Variants in PANK3 observed in about 807,000 individuals in gnomAD.
The protein encoded by PANK3 is hPanK3.
In PANK3, 20 loss-of-function variants were observed where a neutral mutation model predicts 39.4. That is an observed-to-expected ratio of 0.51 (90% CI 0.36 to 0.74). The LOEUF (loss-of-function observed/expected upper bound fraction) is 0.74, where lower values mean the gene tolerates loss of function less well. Ranked by LOEUF, PANK3 falls within the 30% of genes least tolerant of loss-of-function variation. PANK3 has a pLI of 0.00. For synonymous variants in PANK3, 140 were observed against 157.3 expected, an observed-to-expected ratio of 0.89 and a Z score of 0.82; for missense variants, 265 against 437.0, an observed-to-expected ratio of 0.61 and a Z score of 3.51.
chr5:168,557,683 C>T, intron 6 of PANK3, 62 bp from the exon 7 acceptor site: 1 of 1,249,542 alleles, frequency 8.0e-7, no homozygotes, highest in Non-Finnish European at 1.2e-6. Context: ...TAATATTAAC[C>T]ACTTGAGAAC....
chr5:168,563,414 C>A (rs1446447864), intron 4 of PANK3, among the ~76,000 whole-genome samples: 1 of 152,170 alleles, frequency 6.6e-6, no homozygotes, highest in Non-Finnish European at 1.5e-5. Flanking sequence ...GAAACAGGCA[C>A]TTTCATTTAC....
At chr5:168,576,758 C>T (rs998171074) in intron 1 of PANK3, among the ~76,000 whole-genome samples, 4 of 149,742 alleles carry the variant, frequency 2.7e-5, no homozygotes, top group Admixed American at 2.7e-4. Context: ...GCCATACACA[C>T]ACTATGTGAT....
In PANK3 at chr5:168,548,608, G is replaced by A. The variant is rs1026137157; in HGVS notation, c.*8963C>T. The A allele has an allele frequency of 2.0e-5, 3 of 152,154 alleles. No homozygotes were observed. The highest frequency in any genetic ancestry group is 1.3e-4 in the Admixed American group (2 of 15,270). The allele number at this position is 152,154 out of a possible 1,614,324, so 9.4% of individuals were successfully genotyped here. A position where few individuals can be genotyped will look rare whatever the true frequency, so the allele number is the denominator to read the frequency against. On this transcript the variant is annotated 3_prime_UTR_variant, in exon 7 of 7. Transcript: ENST00000239231. ...TGGTTAAACTACAGAAAAAAAGGCA[G>A]AGAAACTGAAGTTGGCTTAATGGTT...
At chr5:168,566,676 T>C (rs1007126542) in intron 2 of PANK3, among the ~76,000 whole-genome samples, 2 of 152,220 alleles carry the variant, frequency 1.3e-5, no homozygotes, top group African/African-American at 4.8e-5. Flanking sequence ...CAAAGTTATT[T>C]TACCTATCTG....
chr5:168,568,020 T>C (rs1759563671), intron 2 of PANK3, among the ~76,000 whole-genome samples: 1 of 152,232 alleles, frequency 6.6e-6, no homozygotes, highest in Non-Finnish European at 1.5e-5. Flanking sequence ...GGCAAACCAC[T>C]CTTTGAACTC....
At chr5:168,570,049 T>C (rs1759601566) in intron 1 of PANK3, among the ~76,000 whole-genome samples, 1 of 151,624 alleles carries the variant, frequency 6.6e-6, no homozygotes, top group Non-Finnish European at 1.5e-5. Context: ...GATCCTGTCA[T>C]AAAAAACAAA....
chr5:168,573,041 A>G (rs1759668494), intron 1 of PANK3, among the ~76,000 whole-genome samples: 1 of 152,168 alleles, frequency 6.6e-6, no homozygotes, highest in Non-Finnish European at 1.5e-5. Flanking sequence ...AGAAGGCACA[A>G]GGTCCAAATC....
intron 1 of PANK3, among the ~76,000 whole-genome samples, chr5:168,572,387 G>C (rs1759653903): frequency 6.6e-6 from 1 of 151,980 alleles, no homozygotes. Context: ...ATTTCACCTG[G>C]GTGCAGGCGG....
chr5:168,564,087 GC>G, intron 3 of PANK3, 22 bp from the exon 4 acceptor site: 1 of 1,564,422 alleles, frequency 6.4e-7, no homozygotes, highest in Non-Finnish European at 8.6e-7. Flanking sequence ...AAAGAAACTT[GC>G]TAAGTTGCAT....
intron 3 of PANK3, among the ~76,000 whole-genome samples, chr5:168,564,510 T>C (rs1356499287): frequency 1.3e-5 from 2 of 152,178 alleles, no homozygotes; most frequent in African/African-American, 4.8e-5. Context: ...CATAGCCTAA[T>C]GTATCCTTGA....
In PANK3 at chr5:168,579,255, C is replaced by G; in HGVS notation, c.28+1G>C. 1 of 1,497,816 alleles carries G rather than the reference C, an allele frequency of 6.7e-7. No individual in the cohort carries two copies. The highest frequency in any genetic ancestry group is 8.9e-7 in the Non-Finnish European group (1 of 1,121,202). The allele number at this position is 1,497,816 out of a possible 1,614,324, so 92.8% of individuals were successfully genotyped here. On this transcript the variant is annotated splice_donor_variant, in intron 1 of 6. Coordinates refer to ENST00000239231, the MANE Select transcript of PANK3 (RefSeq NM_024594.4). LOFTEE classifies it high-confidence loss of function. ...CTGGCGGGCCCCAGCCCCCGTCTTACAGGGTTTCTTGGCATCTTTGATCTT... is the reference window on the plus strand; with the variant it reads ...CTGGCGGGCCCCAGCCCCCGTCTTAGAGGGTTTCTTGGCATCTTTGATCTT...
intron 1 of PANK3, among the ~76,000 whole-genome samples, chr5:168,570,908 C>T (rs1474398211): frequency 6.6e-6 from 1 of 152,054 alleles, no homozygotes; most frequent in Non-Finnish European, 1.5e-5. Flanking sequence ...CGATAGAGGC[C>T]ATCTTAAGTA....
chr5:168,577,162 AACC>A (rs1271526164), intron 1 of PANK3, among the ~76,000 whole-genome samples: 1 of 152,028 alleles, frequency 6.6e-6, no homozygotes, highest in African/African-American at 2.4e-5. Context: ...TACAGGTGTA[AACC>A]ACCGTGTCCA....
rs1028944249 is a variant in PANK3 at position 168,549,682 on chromosome 5, TACCCCAA to T, written c.*7882_*7888del. The T allele has an allele frequency of 2.0e-5, 3 of 152,182 alleles. No individual in the cohort carries two copies. The highest frequency in any genetic ancestry group is 7.2e-5 in the African/African-American group (3 of 41,426). 9.4% of individuals were successfully genotyped at this position (152,182 alleles called of 1,614,324 possible). A position where few individuals can be genotyped will look rare whatever the true frequency, so the allele number is the denominator to read the frequency against. On this transcript the variant is annotated 3_prime_UTR_variant, in exon 7 of 7. Coordinates refer to ENST00000239231, the MANE Select transcript of PANK3 (RefSeq NM_024594.4). ...AAATTCTATAAGAAAAAAACTGATT[TACCCCAA>T]ACATATCATTCAGCACAAACTGCGG...
chr5:168,572,870 T>C (rs380759), intron 1 of PANK3, among the ~76,000 whole-genome samples: 114,213 of 151,938 alleles, frequency 0.75, 43,410 homozygotes, highest in African/African-American at 0.85. Context: ...CTGCTTCGAG[T>C]GGGATTAGGG....
At chr5:168,569,180 GTT>G (rs544747926) in intron 1 of PANK3, among the ~76,000 whole-genome samples, 182 bp from the exon 2 acceptor site, 12 of 115,934 alleles carry the variant, frequency 1.0e-4, no homozygotes, top group Admixed American at 2.6e-4. Context: ...TCCCTTCAAA[GTT>G]TTTTTTTTTT....
In PANK3 at chr5:168,579,299, G is replaced by T; in HGVS notation, c.-16C>A. ...TGATCTTCATGGCGTCGGCCCGAGG[G>T]GCGATGGACGGCCTCCGATCCGGGG... On this transcript the variant is annotated 5_prime_UTR_variant, in exon 1 of 7. Transcript: ENST00000239231. 2.0e-6 allele frequency: 3 copies of T among 1,478,030 alleles called. No individual in the cohort carries two copies. The South Asian group carries it at 4.0e-5, about 20-fold the overall frequency. 91.6% of individuals were successfully genotyped at this position (1,478,030 alleles called of 1,614,324 possible).
At chr5:168,566,985 C>G (rs373511811) in intron 2 of PANK3, among the ~76,000 whole-genome samples, 1 of 152,218 alleles carries the variant, frequency 6.6e-6, no homozygotes, top group Non-Finnish European at 1.5e-5. Flanking sequence ...CTCAAGTGAT[C>G]CGCCCACCTT....
chr5:168,576,447 G>A (rs1201562608), intron 1 of PANK3, among the ~76,000 whole-genome samples: 1 of 152,174 alleles, frequency 6.6e-6, no homozygotes, highest in Non-Finnish European at 1.5e-5. Flanking sequence ...ATGGCAGGCA[G>A]GGAAGAGAGT....
Sources: allele counts gnomAD v4.1 joint callset (sites outside exome capture counted in the v4.1 genomes callset), GRCh38; gene constraint gnomAD v4.1.1; transcripts MANE v1.5; gene names NCBI Gene and HGNC (gene_info 2026-07-23, HGNC 2026-07-21).